CLPTM1L: variants seen among roughly 807,000 people sequenced by gnomAD.
CLPTM1L encodes CLPTM1 like, also known as lipid scramblase CLPTM1L.
A neutral mutation model predicts 70.9 loss-of-function variants in CLPTM1L; 38 were observed. The ratio of observed to expected loss-of-function variants is 0.54; its 90% CI spans 0.41 to 0.70. The LOEUF (loss-of-function observed/expected upper bound fraction) is 0.70. Ranked by LOEUF, CLPTM1L falls within the 30% of genes least tolerant of loss-of-function variation. The probability of loss-of-function intolerance (pLI) is 0.00; values close to 1 mark genes in which losing one functional copy is unlikely to be tolerated. For synonymous variants in CLPTM1L, 339 were observed against 299.9 expected (o/e 1.13, Z -1.35); for missense variants, 652 against 705.9 (o/e 0.92, Z 0.87).
intron 9 of CLPTM1L, among the ~76,000 whole-genome samples, chr5:1,327,282 GACATTTCATCCAGCTCCTCCTCTACAGAC>G (rs1752661283): frequency 4.6e-5 from 4 of 86,196 alleles, no homozygotes; most frequent in African/African-American, 9.3e-5. Context: ...CCTCTACAGG[GACATTTCATCCAGCTCCTCCTCTACAGAC>G]ACATTCCATC....
rs1754024313 is a variant in CLPTM1L, at chr5:1,342,683, G to A, written c.264-823C>T. 6.6e-6 allele frequency among the ~76,000 whole-genome samples: 1 copy of A among 152,230 alleles called. No homozygotes were observed. The highest frequency in any genetic ancestry group is 2.1e-4 in the South Asian group (1 of 4,836). On this transcript the variant is annotated intron_variant, in intron 2 of 16. Transcript: ENST00000320895. The surrounding 1 kb of genome is among the most constrained non-coding windows in gnomAD (Gnocchi z 4.3). ...GCTCACTGCATCCTCAACCTCCTGA[G>A]CTCAAGTGACCTCCCGCCTCAGTCT... is the stretch of plus-strand genomic sequence containing the variant.
At position 1,318,354 on chromosome 5, in the gene CLPTM1L, CAGCCCGGG is replaced by C; in HGVS notation, c.*7_*14del. ...AATTCAAGTTGCACTTGGCTGGCGG[CAGCCCGGG>C]CGGCCTTCAGTCCGTGTGGGGCGCC... On this transcript the variant is annotated 3_prime_UTR_variant, in exon 17 of 17. Transcript: ENST00000320895. The surrounding 1 kb of genome is among the most constrained non-coding windows in gnomAD (Gnocchi z 8.9). 1.2e-6 allele frequency: 2 copies of C among 1,609,500 alleles called. No individual in the cohort carries two copies. Among genetic ancestry groups the C allele is most frequent in the South Asian group, 2.2e-5 (2 of 90,796 alleles).
chr5:1,322,207 T>TG (rs1217747969), intron 13 of CLPTM1L, among the ~76,000 whole-genome samples: 1 of 152,200 alleles, frequency 6.6e-6, no homozygotes, highest in Non-Finnish European at 1.5e-5. Flanking sequence ...GGGACCCACC[T>TG]GCTCTGCACC....
At chr5:1,343,451 C>T (rs1033280232) in intron 2 of CLPTM1L, among the ~76,000 whole-genome samples, 6 of 152,204 alleles carry the variant, frequency 3.9e-5, no homozygotes, top group Admixed American at 1.3e-4. Flanking sequence ...ACTAGCTGTC[C>T]TTGGTAACTG....
chr5:1,322,467 C>T (rs1752213606), intron 13 of CLPTM1L, among the ~76,000 whole-genome samples: 1 of 152,202 alleles, frequency 6.6e-6, no homozygotes, highest in Non-Finnish European at 1.5e-5. Flanking sequence ...CTCTAAGGAA[C>T]CAGACGTGGA....
chr5:1,323,141 A>AG (rs1752259656), intron 12 of CLPTM1L, among the ~76,000 whole-genome samples: 1 of 151,862 alleles, frequency 6.6e-6, no homozygotes, highest in Non-Finnish European at 1.5e-5. Flanking sequence ...CCCTCAGCTC[A>AG]GGGCCAGCAC....
At chr5:1,341,640 C>G (rs1273403719) in intron 3 of CLPTM1L, 31 bp downstream of exon 3, 1 of 1,563,930 alleles carries the variant, frequency 6.4e-7, no homozygotes, top group Non-Finnish European at 8.7e-7. Flanking sequence ...AGAGGCACAG[C>G]CTGTTATCAG....
chr5:1,344,897 C>CCGCCCGG lies in CLPTM1L; in HGVS notation c.-63_-57dup. 1.0e-6 allele frequency: 1 copy of CCGCCCGG among 977,432 alleles called. No individual in the cohort carries two copies. Among genetic ancestry groups the CCGCCCGG allele is most frequent in the Non-Finnish European group, 1.2e-6 (1 of 816,082 alleles). The allele number at this position is 977,432 out of a possible 1,614,324, so 60.5% of individuals were successfully genotyped here. ...CCCGCCTCTCAGCCGCGAGCCCCGC[C>CCGCCCGG]CGCCCGGCGCCCAGCCCGCCGCTCC... On this transcript the variant is annotated 5_prime_UTR_variant, in exon 1 of 17. Transcript: ENST00000320895.
At chr5:1,338,749 G>C (rs1753743285) in intron 4 of CLPTM1L, 111 bp downstream of exon 4, 1 of 1,274,078 alleles carries the variant, frequency 7.8e-7, no homozygotes, top group Non-Finnish European at 1.1e-6. Context: ...GGCAGCAAGT[G>C]CCTCCCCACA....
At chr5:1,325,997 C>G (rs1752510667) in intron 9 of CLPTM1L, 181 bp from the exon 10 acceptor site, 1 of 589,760 alleles carries the variant, frequency 1.7e-6, no homozygotes, top group Non-Finnish European at 3.0e-6. Flanking sequence ...GCCTCTAACC[C>G]ACACACGGCA....
At chr5:1,341,911 T>G in intron 2 of CLPTM1L, 51 bp from the exon 3 acceptor site, 2 of 1,426,002 alleles carry the variant, frequency 1.4e-6, no homozygotes, top group Non-Finnish European at 1.9e-6. Flanking sequence ...TCTGGGTCTC[T>G]AGAACCTATT....
chr5:1,339,491 G>T (rs366786), intron 3 of CLPTM1L, among the ~76,000 whole-genome samples: 1,180 of 112,106 alleles, frequency 0.011, 1 homozygote, highest in African/African-American at 0.028. Context: ...CCACACAGAC[G>T]GGCAAACTGT....
intron 5 of CLPTM1L, among the ~76,000 whole-genome samples, chr5:1,337,217 G>A (rs1490292711): frequency 3.9e-5 from 6 of 152,248 alleles, no homozygotes; most frequent in Admixed American, 3.9e-4. Context: ...ATTACGGAAA[G>A]ATTCACAAAG....
At chr5:1,336,446 G>A (rs1248472464) in intron 5 of CLPTM1L, among the ~76,000 whole-genome samples, 1 of 152,218 alleles carries the variant, frequency 6.6e-6, no homozygotes, top group Non-Finnish European at 1.5e-5. Context: ...CCTCTAACAA[G>A]ACAGATCTGC....
chr5:1,334,114 G>A (rs1753390048), intron 7 of CLPTM1L, among the ~76,000 whole-genome samples, 175 bp downstream of exon 7: 1 of 152,134 alleles, frequency 6.6e-6, no homozygotes, highest in South Asian at 2.1e-4. Context: ...ACCGCCCACT[G>A]GGACAATGGT....
rs1419850176 is a variant in CLPTM1L at position 1,318,071 on chromosome 5, C to A, written c.*298G>T. ...GCCCCCTTGCCTGTGAGGGCTCCCA[C>A]CCCTGCCCGCGTGAGGACATGGCCG... On this transcript the variant is annotated 3_prime_UTR_variant, in exon 17 of 17. Transcript: ENST00000320895. The surrounding 1 kb of genome is among the most constrained non-coding windows in gnomAD (Gnocchi z 8.9). 5.0e-6 allele frequency: 2 copies of A among 398,450 alleles called. No individual in the cohort carries two copies. The highest frequency in any genetic ancestry group is 5.7e-5 in the South Asian group (1 of 17,404). The allele number at this position is 398,450 out of a possible 1,614,324, so 24.7% of individuals were successfully genotyped here.
chr5:1,321,904 G>A, intron 13 of CLPTM1L, 85 bp from the exon 14 acceptor site: 1 of 1,279,150 alleles, frequency 7.8e-7, no homozygotes, highest in Non-Finnish European at 1.1e-6. Flanking sequence ...AGGTGTGGAG[G>A]GCCGAGCTGC....
intron 7 of CLPTM1L, among the ~76,000 whole-genome samples, chr5:1,332,784 T>G (rs1441096374): frequency 6.6e-6 from 1 of 152,268 alleles, no homozygotes; most frequent in Non-Finnish European, 1.5e-5. Flanking sequence ...TGTGCTTAAC[T>G]TATAAATTGA....
intron 6 of CLPTM1L, 132 bp downstream of exon 6, chr5:1,334,925 T>G (rs1344308602): frequency 3.1e-6 from 2 of 637,908 alleles, no homozygotes; most frequent in South Asian, 1.9e-5. Flanking sequence ...GCTGCTAGCC[T>G]CTGATTCAAC....
Sources: gnomAD v4.1 joint callset for allele counts (sites outside exome capture counted in the v4.1 genomes callset) on GRCh38, gnomAD v4.1.1 for gene constraint, Gnocchi (gnomAD v3.1) non-coding constraint, MANE v1.5 for transcripts, NCBI Gene and HGNC (gene_info 2026-07-23, HGNC 2026-07-21) for gene names.